The following NFIB variants were observed in gnomAD, a reference collection of about 807,000 sequenced individuals.
NFIB encodes nuclear factor 1 B-type.
In NFIB, 11 loss-of-function variants were observed where a neutral mutation model predicts 61.5. The observed-to-expected ratio is 0.18, with a 90% CI of 0.11 to 0.30. The LOEUF (loss-of-function observed/expected upper bound fraction) is 0.30. NFIB is among the 10% of genes least tolerant of loss of function. The pLI is 1.00. For missense variants in NFIB, 471 were observed against 608.9 expected (o/e 0.77, Z 2.38); for synonymous variants, 260 against 216.5 (o/e 1.20, Z -1.76).
chr9:14,202,450 A>G (rs2049145679), intron 2 of NFIB, among the ~76,000 whole-genome samples: 1 of 152,206 alleles, frequency 6.6e-6, no homozygotes, highest in African/African-American at 2.4e-5. Flanking sequence ...TTTAGGATGA[A>G]AATTACTTTG....
chr9:14,267,734 T>C (rs1388630485), intron 2 of NFIB, among the ~76,000 whole-genome samples: 1 of 152,244 alleles, frequency 6.6e-6, no homozygotes, highest in Non-Finnish European at 1.5e-5. Flanking sequence ...GTCTGTCTTG[T>C]ACGCTACTGT....
chr9:14,117,940 T>G (rs1466239590), intron 8 of NFIB, among the ~76,000 whole-genome samples: 1 of 152,088 alleles, frequency 6.6e-6, no homozygotes, highest in African/African-American at 2.4e-5. Context: ...CTGGAGAATA[T>G]TGGGAAGCAA....
intron 2 of NFIB, among the ~76,000 whole-genome samples, chr9:14,222,560 TG>T (rs1273218065): frequency 6.6e-6 from 1 of 152,078 alleles, no homozygotes; most frequent in African/African-American, 2.4e-5. Context: ...CCCAGCACTT[TG>T]GGAGGCCAAA....
At chr9:14,243,279 A>G (rs914516636) in intron 2 of NFIB, among the ~76,000 whole-genome samples, 3 of 152,216 alleles carry the variant, frequency 2.0e-5, no homozygotes, top group Admixed American at 6.5e-5. Flanking sequence ...AAGATAACTA[A>G]TTATTTGAAA....
At chr9:14,151,500 A>C (rs568371328) in intron 4 of NFIB, among the ~76,000 whole-genome samples, 1 of 152,256 alleles carries the variant, frequency 6.6e-6, no homozygotes, top group South Asian at 2.1e-4. Flanking sequence ...ATACCAAAAT[A>C]GATGAAAATG....
chr9:14,520,467 C>T, the NFIB span, among the ~76,000 whole-genome samples: 6 of 152,202 alleles, frequency 3.9e-5, no homozygotes, highest in Non-Finnish European at 5.9e-5. Context: ...GTACTTAGAG[C>T]AGCTCAGAGG....
chr9:14,340,951 GGTTCTTATTTATAC>G (rs554664167), intron 1 of NFIB, among the ~76,000 whole-genome samples: 434 of 152,180 alleles, frequency 2.9e-3, no homozygotes, highest in Non-Finnish European at 4.4e-3. Context: ...TGGCGGTAGT[GGTTCTTATTTATAC>G]GTTAATACTC....
chr9:14,461,839 C>A, the NFIB span, among the ~76,000 whole-genome samples: 9 of 152,268 alleles, frequency 5.9e-5, no homozygotes, highest in South Asian at 1.9e-3. Context: ...ATCACTGGAG[C>A]AGGTAAAAAG....
chr9:14,202,128 T>TCACTCACA (rs2049104719), intron 2 of NFIB, among the ~76,000 whole-genome samples: 1 of 147,078 alleles, frequency 6.8e-6, no homozygotes, highest in Non-Finnish European at 1.5e-5. Context: ...TTGATACTTT[T>TCACTCACA]CACACACACA....
chr9:14,138,914 GT>G (rs1224593008), intron 6 of NFIB, among the ~76,000 whole-genome samples: 2 of 151,636 alleles, frequency 1.3e-5, no homozygotes, highest in African/African-American at 4.8e-5. Context: ...GTGTGTGTAT[GT>G]ATATGTAAAA....
rs1303879969 is a variant in NFIB, at chr9:14,082,203, C to G, written c.*6106G>C. The G allele has an allele frequency of 4.9e-6, 1 of 205,102 alleles. No individual in the cohort carries two copies. Among genetic ancestry groups the G allele is most frequent in the African/African-American group, 2.3e-5 (1 of 43,738 alleles). The allele number at this position is 205,102 out of a possible 1,614,324, so 12.7% of individuals were successfully genotyped here. On this transcript the variant is annotated 3_prime_UTR_variant, in exon 11 of 11. Transcript: ENST00000380953. ...TTGTTACATGGAGATTGTGCATGTG[C>G]CTCCTTTTGTAAAAAAATTTAATTA...
chr9:14,443,554 C>T, the NFIB span, among the ~76,000 whole-genome samples: 1 of 152,170 alleles, frequency 6.6e-6, no homozygotes, highest in Non-Finnish European at 1.5e-5. Context: ...CCTTTCTAAG[C>T]CATGCTTCTC....
intron 1 of NFIB, among the ~76,000 whole-genome samples, chr9:14,324,071 C>A (rs193233905): frequency 6.6e-6 from 1 of 152,298 alleles, no homozygotes; most frequent in Non-Finnish European, 1.5e-5. Flanking sequence ...GGAGGGGATA[C>A]ACACATGTAG....
the NFIB span, among the ~76,000 whole-genome samples, chr9:14,459,513 A>G: frequency 1.3e-5 from 2 of 152,234 alleles, no homozygotes; most frequent in East Asian, 3.8e-4. Flanking sequence ...CAAAATTGAC[A>G]AACGGGATCT....
At chr9:14,426,666 C>A in the NFIB span, among the ~76,000 whole-genome samples, 1 of 152,294 alleles carries the variant, frequency 6.6e-6, no homozygotes, top group Admixed American at 6.5e-5. Context: ...TTCCTCCAAC[C>A]ATTCCTCTAG....
intron 1 of NFIB, among the ~76,000 whole-genome samples, chr9:14,388,413 AAGGAAGGAAGGAAG>A (rs1290248754): frequency 7.1e-6 from 1 of 141,396 alleles, no homozygotes; most frequent in African/African-American, 2.8e-5. Flanking sequence ...GGAAGGAAGG[AAGGAAGGAAGGAAG>A]GAGAGAGAAA....
chr9:14,253,676 T>G (rs910563389), intron 2 of NFIB, among the ~76,000 whole-genome samples: 1 of 152,096 alleles, frequency 6.6e-6, no homozygotes, highest in Non-Finnish European at 1.5e-5. Context: ...AAAAATAATT[T>G]TTTAATAAAA....
chr9:14,189,536 A>G (rs1404157881), intron 2 of NFIB, among the ~76,000 whole-genome samples: 1 of 151,922 alleles, frequency 6.6e-6, no homozygotes, highest in Non-Finnish European at 1.5e-5. Flanking sequence ...TTGTGGAAAA[A>G]GGCTATGAGA....
intron 3 of NFIB, among the ~76,000 whole-genome samples, chr9:14,167,957 A>G (rs1369610954): frequency 6.6e-6 from 1 of 152,224 alleles, no homozygotes; most frequent in African/African-American, 2.4e-5. Context: ...ATCAGCAATT[A>G]TATTGGAGTG....
Sources: gnomAD v4.1 joint callset for allele counts (sites outside exome capture counted in the v4.1 genomes callset) on GRCh38, gnomAD v4.1.1 for gene constraint, MANE v1.5 for transcripts, NCBI Gene and HGNC (gene_info 2026-07-23, HGNC 2026-07-21) for gene names.